The following DPYSL2 variants were observed in gnomAD, a reference collection of about 807,000 sequenced individuals.
DPYSL2 encodes the protein dihydropyrimidinase-related protein 2.
In DPYSL2, 13 loss-of-function variants were observed where a neutral mutation model predicts 69.9. That is an observed-to-expected ratio of 0.19 (90% CI 0.12 to 0.30). DPYSL2 has a LOEUF of 0.30. Among genes scored for constraint, DPYSL2 ranks in the 10% least tolerant of loss-of-function variants. The pLI, the probability that DPYSL2 is intolerant of heterozygous loss-of-function variation, is 1.00. For synonymous variants in DPYSL2, 326 were observed against 359.1 expected (o/e 0.91, Z 1.04); for missense variants, 587 against 918.9 (o/e 0.64, Z 4.67).
At position 26,588,958 on chromosome 8, in the gene DPYSL2, C is replaced by T. The variant is rs1801663465; in HGVS notation, c.628+4975C>T. On this transcript the variant is annotated intron_variant, in intron 3 of 13. Transcript: ENST00000521913. This position sits in a 1 kb window ranked among gnomAD's most constrained non-coding sequence, Gnocchi z 5.4. ...CAGATTTGACTTTTGTCACCTCTTCCTGGATTTTGGCCCTGTCCTCTGAGG... is the reference window on the plus strand; with the variant it reads ...CAGATTTGACTTTTGTCACCTCTTCTTGGATTTTGGCCCTGTCCTCTGAGG... Among the ~76,000 whole-genome samples, 1 of 152,204 alleles carries T rather than the reference C, an allele frequency of 6.6e-6. No individual in the cohort carries two copies. The highest frequency in any genetic ancestry group is 6.5e-5 in the Admixed American group (1 of 15,286).
chr8:26,581,434 C>T (rs1049715422), intron 1 of DPYSL2, among the ~76,000 whole-genome samples: 6 of 151,088 alleles, frequency 4.0e-5, no homozygotes, highest in East Asian at 1.9e-4. Context: ...GGTGCAGTGA[C>T]GTGATCTCGG....
intron 1 of DPYSL2, among the ~76,000 whole-genome samples, chr8:26,541,949 A>C (rs1178164923): frequency 6.6e-6 from 1 of 152,236 alleles, no homozygotes; most frequent in African/African-American, 2.4e-5. Flanking sequence ...ATAATTACTT[A>C]AATGTAAATG....
chr8:26,644,070 C>T lies in DPYSL2; in HGVS notation c.1404C>T (p.Ser468=), dbSNP rs201300849. The T allele has an allele frequency of 1.4e-4, 228 of 1,614,170 alleles. 2 individuals are homozygous for T. The East Asian group carries it at 3.3e-3, about 24-fold the overall frequency. ...CCAATGGCACTGAGGAGCGGATGTC[C>T]GTCATCTGGGACAAGGCTGTGGTAA... ...EGTNGTEERM[S]VIWDKAVVTG... Residue 468 remains serine (S), a synonymous_variant, in exon 10 of 14, where the codon TCC becomes TCT. Transcript: ENST00000521913. The surrounding 1 kb of genome is among the most constrained non-coding windows in gnomAD (Gnocchi z 4.5).
intron 1 of DPYSL2, among the ~76,000 whole-genome samples, chr8:26,538,930 A>G (rs571324633): frequency 3.5e-4 from 54 of 152,314 alleles, no homozygotes; most frequent in African/African-American, 9.6e-4. Flanking sequence ...GCCCTCTGCA[A>G]CCTTGGCCAC....
chr8:26,568,316 G>A (rs1801184243), intron 1 of DPYSL2, among the ~76,000 whole-genome samples: 1 of 152,162 alleles, frequency 6.6e-6, no homozygotes, highest in Non-Finnish European at 1.5e-5. Flanking sequence ...AGCATCACGT[G>A]CCATTCACCT....
At chr8:26,550,555 T>C (rs367908573) in intron 1 of DPYSL2, among the ~76,000 whole-genome samples, 1 of 151,606 alleles carries the variant, frequency 6.6e-6, no homozygotes, top group African/African-American at 2.4e-5. Context: ...AAACCCACCC[T>C]AAATATAAAA....
chr8:26,594,520 CTG>C (rs1340253742), intron 3 of DPYSL2, among the ~76,000 whole-genome samples: 3 of 152,116 alleles, frequency 2.0e-5, no homozygotes, highest in Admixed American at 2.0e-4. Context: ...ATATATCTAT[CTG>C]GTCTATATCT....
rs1165517938 is a variant in DPYSL2 at position 26,580,147 on chromosome 8, G to A, written c.355-1822G>A. 1.3e-5 allele frequency among the ~76,000 whole-genome samples: 2 copies of A among 152,126 alleles called. No homozygotes were observed. The highest frequency in any genetic ancestry group is 1.9e-4 in the East Asian group (1 of 5,156). ...CTCGGGATATTCGCGGTGATGGCTG[G>A]GGCAGGTACCACAGTGACTGTGGAG... On this transcript the variant is annotated intron_variant, in intron 1 of 13. Coordinates refer to ENST00000521913, the MANE Select transcript of DPYSL2 (RefSeq NM_001197293.3). The surrounding 1 kb of genome is among the most constrained non-coding windows in gnomAD (Gnocchi z 4.1).
At chr8:26,625,622 G>A (rs115609291) in intron 4 of DPYSL2, among the ~76,000 whole-genome samples, 147 of 152,312 alleles carry the variant, frequency 9.7e-4, no homozygotes, top group African/African-American at 3.5e-3. Flanking sequence ...GATGAGAATT[G>A]CGACATCTGC....
chr8:26,646,329 G>A (rs969482412), intron 10 of DPYSL2, among the ~76,000 whole-genome samples: 3 of 151,752 alleles, frequency 2.0e-5, no homozygotes, highest in Non-Finnish European at 4.4e-5. Context: ...AACATTTTTG[G>A]TACATATTGT....
chr8:26,544,970 A>C (rs1424619190), intron 1 of DPYSL2, among the ~76,000 whole-genome samples: 1 of 152,242 alleles, frequency 6.6e-6, no homozygotes, highest in African/African-American at 2.4e-5. Context: ...ACAATATAAC[A>C]ATCATATACA....
At chr8:26,595,220 TA>T (rs946260526) in intron 3 of DPYSL2, among the ~76,000 whole-genome samples, 3 of 150,508 alleles carry the variant, frequency 2.0e-5, no homozygotes, top group Non-Finnish European at 3.0e-5. Context: ...GACCCCATCT[TA>T]AAAAAAAAGG....
chr8:26,578,450 T>C (rs1000090048), intron 1 of DPYSL2: 2 of 1,494,134 alleles, frequency 1.3e-6, no homozygotes, highest in African/African-American at 2.8e-5. Context: ...GTGGTGGTTG[T>C]GGGAGATGCA....
intron 1 of DPYSL2, chr8:26,577,882 T>C: frequency 8.9e-7 from 1 of 1,117,986 alleles, no homozygotes; most frequent in Non-Finnish European, 1.1e-6. Context: ...GGCTTTTGCC[T>C]GAGAGGAAAG....
chr8:26,648,359 G>A lies in DPYSL2; in HGVS notation c.1596+559G>A, dbSNP rs1361590026. Among the ~76,000 whole-genome samples, 1 of 152,166 alleles carries A rather than the reference G, an allele frequency of 6.6e-6. No homozygotes were observed. The highest frequency in any genetic ancestry group is 1.5e-5 in the Non-Finnish European group (1 of 68,024). On this transcript the variant is annotated intron_variant, in intron 11 of 13. Coordinates refer to ENST00000521913, the MANE Select transcript of DPYSL2 (RefSeq NM_001197293.3). The surrounding 1 kb of genome is among the most constrained non-coding windows in gnomAD (Gnocchi z 4.3). ...GTTGTTTTAGGATCTGCCGCTTTGGGTATCTCTTCCCTCTGGGTCTGGGCT... is the reference window on the plus strand; with the variant it reads ...GTTGTTTTAGGATCTGCCGCTTTGGATATCTCTTCCCTCTGGGTCTGGGCT...
intron 7 of DPYSL2, among the ~76,000 whole-genome samples, chr8:26,632,238 G>A (rs1278864191): frequency 6.6e-6 from 1 of 152,174 alleles, no homozygotes; most frequent in Admixed American, 6.5e-5. Context: ...CTGAGCCTGC[G>A]TGACAATCCG....
rs996275877 is a variant in DPYSL2 at position 26,527,952 on chromosome 8, G to A, written c.354+13273G>A. Among the ~76,000 whole-genome samples, 2 of 152,018 alleles carry A rather than the reference G, an allele frequency of 1.3e-5. 1 individual carries two copies. The highest frequency in any genetic ancestry group is 3.9e-4 in the East Asian group (2 of 5,160). On this transcript the variant is annotated intron_variant, in intron 1 of 13. Coordinates refer to ENST00000521913, the MANE Select transcript of DPYSL2 (RefSeq NM_001197293.3). ...TGAGTAGCTGGGATTACAGGCACGC[G>A]ACACAGCACAGAGCTAATTTTTGTA...
chr8:26,620,520 G>A lies in DPYSL2; in HGVS notation c.629-3623G>A, dbSNP rs1802456837. On this transcript the variant is annotated intron_variant, in intron 3 of 13. Coordinates refer to ENST00000521913, the MANE Select transcript of DPYSL2 (RefSeq NM_001197293.3). The surrounding 1 kb of genome is among the most constrained non-coding windows in gnomAD (Gnocchi z 4.5). ...ATCTTTTGCCACCAGATATTAAAATGTATCAAAAAGCTGCTCTATTTAGTA... is the reference window on the plus strand; with the variant it reads ...ATCTTTTGCCACCAGATATTAAAATATATCAAAAAGCTGCTCTATTTAGTA... 2.0e-5 allele frequency among the ~76,000 whole-genome samples: 3 copies of A among 152,242 alleles called. No homozygotes were observed. The South Asian group carries it at 6.2e-4, about 32-fold the overall frequency.
chr8:26,626,482 A>AACAC lies in DPYSL2; in HGVS notation c.794-98_794-95dup, dbSNP rs58931747. 6,555 of 547,132 alleles carry AACAC rather than the reference A, an allele frequency of 0.012. 79 individuals carry two copies. The highest frequency in any genetic ancestry group is 0.042 in the African/African-American group (2,132 of 50,260). 33.9% of individuals were successfully genotyped at this position (547,132 alleles called of 1,614,324 possible). A position where few individuals can be genotyped will look rare whatever the true frequency, so the allele number is the denominator to read the frequency against. ...TCTCCTCTCTCTTTCTCTGTACTGA[A>AACAC]ACACACACACACACACACACACACA... On this transcript the variant is annotated intron_variant, in intron 4 of 13. Coordinates refer to ENST00000521913, the MANE Select transcript of DPYSL2 (RefSeq NM_001197293.3). This position sits in a 1 kb window ranked among gnomAD's most constrained non-coding sequence, Gnocchi z 4.3.
Sources: gnomAD v4.1 joint callset for allele counts (sites outside exome capture counted in the v4.1 genomes callset) on GRCh38, gnomAD v4.1.1 for gene constraint, Gnocchi (gnomAD v3.1) non-coding constraint, MANE v1.5 for transcripts, NCBI Gene and HGNC (gene_info 2026-07-23, HGNC 2026-07-21) for gene names.